The following KCNMB4 variants were observed in gnomAD, a reference collection of about 807,000 sequenced individuals.
KCNMB4 encodes the protein potassium calcium-activated channel subfamily M regulatory beta subunit 4, also known as calcium-activated potassium channel subunit beta-4.
A neutral mutation model predicts 20.7 loss-of-function variants in KCNMB4; 3 were observed. The observed-to-expected ratio is 0.14, with a 90% CI of 0.07 to 0.37. KCNMB4 has a LOEUF of 0.37. Among genes scored for constraint, KCNMB4 ranks in the 10% least tolerant of loss-of-function variants. KCNMB4 has a pLI of 1.00. For synonymous variants in KCNMB4, 110 were observed against 113.4 expected (o/e 0.97, Z 0.19); for missense variants, 168 against 265.9 (o/e 0.63, Z 2.56).
chr12:70,407,778 T>A (rs968874671), intron 2 of KCNMB4, among the ~76,000 whole-genome samples: 1 of 152,150 alleles, frequency 6.6e-6, no homozygotes, highest in African/African-American at 2.4e-5. Flanking sequence ...GAGGTGGTGC[T>A]GAATTCTAAT....
intron 2 of KCNMB4, among the ~76,000 whole-genome samples, chr12:70,407,800 A>T (rs1024332378): frequency 6.6e-6 from 1 of 151,650 alleles, no homozygotes; most frequent in African/African-American, 2.4e-5. Flanking sequence ...CTCTATTCAC[A>T]TGGTTGGTTC....
intron 2 of KCNMB4, among the ~76,000 whole-genome samples, chr12:70,401,012 C>G (rs541916761): frequency 2.7e-4 from 41 of 152,170 alleles, no homozygotes; most frequent in African/African-American, 9.4e-4. Flanking sequence ...ACTTTGTAAC[C>G]TATGTCACCA....
intron 1 of KCNMB4, among the ~76,000 whole-genome samples, chr12:70,386,636 A>C (rs1372099646): frequency 6.7e-6 from 1 of 148,750 alleles, no homozygotes; most frequent in Non-Finnish European, 1.5e-5. Flanking sequence ...AGGTGCTTTC[A>C]TGAACTCTCA....
At chr12:70,407,698 AC>A (rs1181663938) in intron 2 of KCNMB4, among the ~76,000 whole-genome samples, 1 of 151,204 alleles carries the variant, frequency 6.6e-6, no homozygotes, top group Non-Finnish European at 1.5e-5. Context: ...CGATCTCCTG[AC>A]CTCGTGATCC....
Position 70,366,659 on chromosome 12 carries a change from G to A in KCNMB4, c.-76G>A. Reference sequence around the variant, plus strand: ...GGCGGTGGCGGCGGCGGCTCCTCCCGCCCGAGGCAGTCGGGCTCGGCGCCG... The same window carrying A: ...GGCGGTGGCGGCGGCGGCTCCTCCCACCCGAGGCAGTCGGGCTCGGCGCCG... On this transcript the variant is annotated 5_prime_UTR_variant, in exon 1 of 3. Coordinates refer to ENST00000258111, the MANE Select transcript of KCNMB4 (RefSeq NM_014505.6). The A allele has an allele frequency of 7.2e-6, 7 of 974,670 alleles. No individual in the cohort carries two copies. Among genetic ancestry groups the A allele is most frequent in the Non-Finnish European group, 9.0e-6 (7 of 777,280 alleles). 60.4% of individuals were successfully genotyped at this position (974,670 alleles called of 1,614,324 possible).
chr12:70,366,702 G>A lies in KCNMB4; in HGVS notation c.-33G>A. On this transcript the variant is annotated 5_prime_UTR_variant, in exon 1 of 3. Transcript: ENST00000258111. Reference sequence around the variant, plus strand: ...CGGCGCCGGGGGCGGGAGGGGGCGGGGGGAGCACGCCAGCCGCCGAGAGTG... The same window carrying A: ...CGGCGCCGGGGGCGGGAGGGGGCGGAGGGAGCACGCCAGCCGCCGAGAGTG... 5 of 1,484,316 alleles carry A rather than the reference G, an allele frequency of 3.4e-6. No individual in the cohort carries two copies. The highest frequency in any genetic ancestry group is 4.5e-6 in the Non-Finnish European group (5 of 1,116,064). 91.9% of individuals were successfully genotyped at this position (1,484,316 alleles called of 1,614,324 possible).
At chr12:70,379,230 A>C (rs148951351) in intron 1 of KCNMB4, among the ~76,000 whole-genome samples, 92 of 152,282 alleles carry the variant, frequency 6.0e-4, no homozygotes, top group African/African-American at 2.0e-3. Flanking sequence ...CTCTAACAAG[A>C]GTCAGCCTGT....
chr12:70,410,385 C>T (rs1868738572), intron 2 of KCNMB4, among the ~76,000 whole-genome samples: 1 of 152,196 alleles, frequency 6.6e-6, no homozygotes, highest in Non-Finnish European at 1.5e-5. Context: ...CCCACACTGC[C>T]ATGGTTGCTT....
intron 2 of KCNMB4, among the ~76,000 whole-genome samples, chr12:70,428,452 C>G (rs1593351192): frequency 6.6e-6 from 1 of 152,186 alleles, no homozygotes; most frequent in African/African-American, 2.4e-5. Flanking sequence ...AAAGAGCAAC[C>G]TGAGAGACAG....
chr12:70,373,654 C>A (rs1883636806), intron 1 of KCNMB4, among the ~76,000 whole-genome samples: 1 of 152,140 alleles, frequency 6.6e-6, no homozygotes, highest in Non-Finnish European at 1.5e-5. Context: ...ATACAGAAGT[C>A]AAGGACGGTT....
chr12:70,425,722 T>C (rs756548265), intron 2 of KCNMB4, among the ~76,000 whole-genome samples: 9 of 152,196 alleles, frequency 5.9e-5, no homozygotes, highest in Non-Finnish European at 1.2e-4. Flanking sequence ...ATGTTAGGAA[T>C]CTAACCTGAT....
intron 2 of KCNMB4, 109 bp downstream of exon 2, chr12:70,400,445 C>A: frequency 8.8e-7 from 1 of 1,142,102 alleles, no homozygotes; most frequent in Non-Finnish European, 1.2e-6. Flanking sequence ...ATAGCCTCAA[C>A]TCTTCTTTGC....
At chr12:70,400,112 A>G in intron 1 of KCNMB4, 97 bp from the exon 2 acceptor site, 1 of 964,842 alleles carries the variant, frequency 1.0e-6, no homozygotes, top group Non-Finnish European at 1.5e-6. Flanking sequence ...CCTAAATTAG[A>G]TTTACTGTCT....
intron 1 of KCNMB4, among the ~76,000 whole-genome samples, chr12:70,386,741 A>G (rs1167026288): frequency 6.6e-6 from 1 of 152,162 alleles, no homozygotes; most frequent in Admixed American, 6.5e-5. Context: ...TGCTGGTACA[A>G]GGAAGTTTGT....
Position 70,409,558 on chromosome 12 carries a change from T to C in KCNMB4, c.464+9222T>C, listed in dbSNP as rs555595327. 8.9e-4 allele frequency among the ~76,000 whole-genome samples: 135 copies of C among 152,244 alleles called. 3 individuals are homozygous for C. Among genetic ancestry groups the C allele is most frequent in the Admixed American group, 8.0e-3 (123 of 15,294 alleles). ...AACAACAACAAAATAGCAGACACGGTCCTTGCCTTCATGGAGCCTATAGTC... is the reference window on the plus strand; with the variant it reads ...AACAACAACAAAATAGCAGACACGGCCCTTGCCTTCATGGAGCCTATAGTC... On this transcript the variant is annotated intron_variant, in intron 2 of 2. Transcript: ENST00000258111.
At chr12:70,377,589 C>T (rs960077104) in intron 1 of KCNMB4, among the ~76,000 whole-genome samples, 4 of 152,156 alleles carry the variant, frequency 2.6e-5, no homozygotes, top group African/African-American at 9.7e-5. Context: ...ATTACTTAAG[C>T]TAAGACAACG....
intron 2 of KCNMB4, among the ~76,000 whole-genome samples, chr12:70,429,294 T>C (rs750810092): frequency 2.0e-5 from 3 of 152,200 alleles, no homozygotes; most frequent in Admixed American, 6.5e-5. Context: ...GGAGGAAACA[T>C]AGCTACTCTA....
intron 1 of KCNMB4, among the ~76,000 whole-genome samples, chr12:70,378,483 A>G (rs1020963208): frequency 7.2e-5 from 11 of 152,322 alleles, no homozygotes; most frequent in South Asian, 2.1e-4. Context: ...GCCCAGATCC[A>G]TCAGAGGAAT....
At position 70,432,350 on chromosome 12, in the gene KCNMB4, TA is replaced by T. The variant is rs1316496416; in HGVS notation, c.*1698del. ...TTAGAATGTGAATAACTGAAAATCA[TA>T]GTCTGTGGAAAGGTGTTGAATTGAG... is the stretch of plus-strand genomic sequence containing the variant. On this transcript the variant is annotated 3_prime_UTR_variant, in exon 3 of 3. Transcript: ENST00000258111. The T allele has an allele frequency of 6.6e-6, 1 of 152,222 alleles. No individual in the cohort carries two copies. The allele number at this position is 152,222 out of a possible 1,614,324, so 9.4% of individuals were successfully genotyped here.
Sources: allele counts gnomAD v4.1 joint callset (sites outside exome capture counted in the v4.1 genomes callset), GRCh38; gene constraint gnomAD v4.1.1; transcripts MANE v1.5; gene names NCBI Gene and HGNC (gene_info 2026-07-23, HGNC 2026-07-21).